MECOM: variants seen among roughly 807,000 people sequenced by gnomAD.
MECOM encodes the protein histone-lysine N-methyltransferase MECOM.
A neutral mutation model predicts 116.3 loss-of-function variants in MECOM; 13 were observed. The observed-to-expected ratio is 0.11, with a 90% CI of 0.07 to 0.18. The LOEUF is 0.18. Among genes scored for constraint, MECOM ranks in the 10% least tolerant of loss-of-function variants. MECOM has a pLI of 1.00. For synonymous variants in MECOM, 528 were observed against 535.2 expected (o/e 0.99, Z 0.19); for missense variants, 1,299 against 1,509.0 (o/e 0.86, Z 2.31).
At chr3:169,098,072 A>T (rs1722307478) in intron 12 of MECOM, among the ~76,000 whole-genome samples, 1 of 152,074 alleles carries the variant, frequency 6.6e-6, no homozygotes, top group African/African-American at 2.4e-5. Flanking sequence ...CTTACAGAAG[A>T]CTTGCAAAGA....
At chr3:169,438,683 G>T (rs1182076668) in intron 1 of MECOM, among the ~76,000 whole-genome samples, 1 of 144,344 alleles carries the variant, frequency 6.9e-6, no homozygotes, top group Non-Finnish European at 1.6e-5. Flanking sequence ...GGATATGGAT[G>T]GGGTACTGGC....
At chr3:169,415,311 T>C (rs776234990) in intron 1 of MECOM, among the ~76,000 whole-genome samples, 11 of 152,088 alleles carry the variant, frequency 7.2e-5, no homozygotes, top group Non-Finnish European at 1.3e-4. Flanking sequence ...AGAAATAAAA[T>C]CCTTTACAGA....
chr3:169,401,010 C>G (rs938995552), intron 1 of MECOM, among the ~76,000 whole-genome samples: 1 of 152,126 alleles, frequency 6.6e-6, no homozygotes, highest in East Asian at 1.9e-4. Flanking sequence ...AGTGCCATAC[C>G]CTGTCTGAGG....
intron 2 of MECOM, among the ~76,000 whole-genome samples, chr3:169,260,435 G>A (rs1337706926): frequency 6.6e-6 from 1 of 151,704 alleles, no homozygotes; most frequent in Non-Finnish European, 1.5e-5. Flanking sequence ...ATTCTCTAAG[G>A]AGCATATGTT....
At chr3:169,251,324 C>T (rs1224874203) in intron 2 of MECOM, among the ~76,000 whole-genome samples, 1 of 152,132 alleles carries the variant, frequency 6.6e-6, no homozygotes, top group Admixed American at 6.6e-5. Flanking sequence ...TCAGCATTTC[C>T]ATTACAAATC....
intron 1 of MECOM, among the ~76,000 whole-genome samples, chr3:169,460,872 G>T (rs909238075): frequency 6.6e-6 from 1 of 152,078 alleles, no homozygotes; most frequent in African/African-American, 2.4e-5. Flanking sequence ...TCCACAAAGG[G>T]GAACCAATTA....
At chr3:169,116,869 G>T in intron 7 of MECOM, 130 bp from the exon 8 acceptor site, 1 of 1,184,948 alleles carries the variant, frequency 8.4e-7, no homozygotes, top group East Asian at 2.6e-5. Context: ...CACCAATCTG[G>T]GTGCTCCAAA....
intron 2 of MECOM, among the ~76,000 whole-genome samples, chr3:169,268,221 T>C (rs1758540344): frequency 6.6e-6 from 1 of 152,210 alleles, no homozygotes; most frequent in Non-Finnish European, 1.5e-5. Flanking sequence ...TCTAAGTTTA[T>C]GGCGACAAAC....
intron 1 of MECOM, among the ~76,000 whole-genome samples, chr3:169,404,507 C>T (rs1339293165): frequency 6.6e-6 from 1 of 152,164 alleles, no homozygotes; most frequent in Non-Finnish European, 1.5e-5. Flanking sequence ...CAGAGAAAAT[C>T]CAAAGCAAAC....
chr3:169,282,938 C>G (rs1323022525), intron 2 of MECOM, among the ~76,000 whole-genome samples: 2 of 151,766 alleles, frequency 1.3e-5, no homozygotes, highest in Non-Finnish European at 2.9e-5. Flanking sequence ...TGGCCACCCA[C>G]TTGAGAGATC....
chr3:169,319,790 T>C (rs985145204), intron 2 of MECOM, among the ~76,000 whole-genome samples: 13 of 152,224 alleles, frequency 8.5e-5, no homozygotes, highest in Non-Finnish European at 7.3e-5. Context: ...TTCAGAGGGT[T>C]GTTGTGTGAA....
intron 2 of MECOM, among the ~76,000 whole-genome samples, chr3:169,159,388 T>C (rs1162584490): frequency 6.6e-6 from 1 of 151,930 alleles, no homozygotes; most frequent in African/African-American, 2.4e-5. Context: ...TGAAACCCTG[T>C]CTCTACTAAA....
At chr3:169,382,645 T>C (rs777737539) in intron 1 of MECOM, among the ~76,000 whole-genome samples, 1 of 151,860 alleles carries the variant, frequency 6.6e-6, no homozygotes, top group Non-Finnish European at 1.5e-5. Context: ...GAAAAACAGA[T>C]GAAAATTACG....
chr3:169,377,927 G>T (rs1165572570), intron 2 of MECOM, among the ~76,000 whole-genome samples: 1 of 152,106 alleles, frequency 6.6e-6, no homozygotes, highest in African/African-American at 2.4e-5. Context: ...CAACCCAAAT[G>T]CCCATCAATG....
At chr3:169,308,301 A>C (rs989028852) in intron 2 of MECOM, among the ~76,000 whole-genome samples, 1 of 152,230 alleles carries the variant, frequency 6.6e-6, no homozygotes, top group African/African-American at 2.4e-5. Flanking sequence ...AACACTATCT[A>C]TGTAAACATT....
intron 2 of MECOM, among the ~76,000 whole-genome samples, chr3:169,261,682 CAA>C: frequency 6.6e-6 from 1 of 151,924 alleles, no homozygotes; most frequent in East Asian, 1.9e-4. Flanking sequence ...GCCTGAGCAA[CAA>C]GAGCGAAACT....
chr3:169,184,420 T>G (rs1459876850), intron 2 of MECOM, among the ~76,000 whole-genome samples: 1 of 152,012 alleles, frequency 6.6e-6, no homozygotes, highest in Non-Finnish European at 1.5e-5. Context: ...AGGGGAGAAA[T>G]GAAGCTAAAG....
intron 2 of MECOM, among the ~76,000 whole-genome samples, chr3:169,216,333 AACTCT>A (rs1019166770): frequency 1.8e-4 from 28 of 152,284 alleles, no homozygotes; most frequent in African/African-American, 6.3e-4. Flanking sequence ...AATTCATAGC[AACTCT>A]CTCTTACTTA....
At chr3:169,231,159 T>C (rs1753346032) in intron 2 of MECOM, among the ~76,000 whole-genome samples, 1 of 152,162 alleles carries the variant, frequency 6.6e-6, no homozygotes, top group Non-Finnish European at 1.5e-5. Context: ...TTTTCTGTTT[T>C]TCCTTTTGTT....
Sources: gnomAD v4.1 joint callset for allele counts (sites outside exome capture counted in the v4.1 genomes callset) on GRCh38, gnomAD v4.1.1 for gene constraint, MANE v1.5 for transcripts, NCBI Gene and HGNC (gene_info 2026-07-23, HGNC 2026-07-21) for gene names.